Variants in MARK2 observed in about 807,000 individuals in gnomAD.
The protein encoded by MARK2 is serine/threonine-protein kinase MARK2.
MARK2 carries 16 observed loss-of-function variants against 89.8 expected under a neutral mutation model. The ratio of observed to expected loss-of-function variants is 0.18; its 90% CI spans 0.12 to 0.27. MARK2 has a LOEUF of 0.27. Among genes scored for constraint, MARK2 ranks in the 10% least tolerant of loss-of-function variants. MARK2 has a pLI of 1.00. For synonymous variants in MARK2, 382 were observed against 399.5 expected (o/e 0.96, Z 0.52); for missense variants, 621 against 1,049.9 (o/e 0.59, Z 5.65).
chr11:63,848,354 C>T (rs1021340576), intron 1 of MARK2, among the ~76,000 whole-genome samples: 3 of 152,072 alleles, frequency 2.0e-5, no homozygotes, highest in South Asian at 2.1e-4. Flanking sequence ...ATCCCATGTG[C>T]GGCTGCCTTT....
At chr11:63,844,600 G>T (rs1277230618) in intron 1 of MARK2, among the ~76,000 whole-genome samples, 2 of 152,224 alleles carry the variant, frequency 1.3e-5, no homozygotes, top group African/African-American at 4.8e-5. Flanking sequence ...TTTGCACAAG[G>T]ATAACTTAAT....
rs1429877094 is a variant in MARK2, at chr11:63,902,895, GC to G, written c.1416+114del. The stretch of plus-strand genomic sequence containing the variant: ...CCTTTGGCTACTACTTCTGCTTATA[GC>G]AGGAAGCCTCGCTCCCAGCAGTAAA... On this transcript the variant is annotated intron_variant, in intron 13 of 18. Transcript: ENST00000402010. The surrounding 1 kb of genome is among the most constrained non-coding windows in gnomAD (Gnocchi z 4.2). 4.5e-5 allele frequency: 50 copies of G among 1,103,630 alleles called. No individual in the cohort carries two copies. The highest frequency in any genetic ancestry group is 6.6e-5 in the Non-Finnish European group (49 of 743,330). 68.4% of individuals were successfully genotyped at this position (1,103,630 alleles called of 1,614,324 possible).
intron 16 of MARK2, 37 bp downstream of exon 16, chr11:63,905,080 C>T (rs2134227559): frequency 8.9e-6 from 14 of 1,564,510 alleles, no homozygotes; most frequent in Non-Finnish European, 1.2e-5. Flanking sequence ...GAGGCTCAGG[C>T]CAGGCCTTCC....
intron 1 of MARK2, among the ~76,000 whole-genome samples, chr11:63,879,205 GC>G (rs1490933241): frequency 6.6e-6 from 1 of 152,096 alleles, no homozygotes; most frequent in African/African-American, 2.4e-5. Context: ...TACTCTGGAG[GC>G]TGAGGCAGGA....
Position 63,903,271 on chromosome 11 carries a change from G to A in MARK2, c.1514+113G>A. 3 of 814,114 alleles carry A rather than the reference G, an allele frequency of 3.7e-6. No individual in the cohort carries two copies. Among genetic ancestry groups the A allele is most frequent in the Non-Finnish European group, 6.2e-6 (3 of 482,748 alleles). The allele number at this position is 814,114 out of a possible 1,614,324, so 50.4% of individuals were successfully genotyped here. The stretch of plus-strand genomic sequence containing the variant: ...GCCAGCGCATTGCTCCCTGCTCCCT[G>A]GAGTTCCATCCTGGCTGTGTCCAGT... On this transcript the variant is annotated intron_variant, in intron 14 of 18. Transcript: ENST00000402010. The surrounding 1 kb of genome is among the most constrained non-coding windows in gnomAD (Gnocchi z 5.1).
intron 1 of MARK2, among the ~76,000 whole-genome samples, chr11:63,863,787 T>G (rs1338093465): frequency 1.3e-5 from 2 of 150,970 alleles, no homozygotes; most frequent in African/African-American, 2.4e-5. Flanking sequence ...ACCACTTTTT[T>G]TTTGAAACAG....
chr11:63,855,079 G>A (rs2016773420), intron 1 of MARK2, among the ~76,000 whole-genome samples: 2 of 152,166 alleles, frequency 1.3e-5, no homozygotes, highest in African/African-American at 4.8e-5. Flanking sequence ...TGGAAAACTT[G>A]TGTCTGCTAA....
chr11:63,874,487 C>T (rs184169141), intron 1 of MARK2, among the ~76,000 whole-genome samples: 1 of 152,280 alleles, frequency 6.6e-6, no homozygotes, highest in East Asian at 1.9e-4. Flanking sequence ...CCAAAAAACC[C>T]AAAGAACATT....
intron 1 of MARK2, among the ~76,000 whole-genome samples, chr11:63,879,845 T>C (rs1938985299): frequency 6.6e-6 from 1 of 152,142 alleles, no homozygotes; most frequent in Non-Finnish European, 1.5e-5. Flanking sequence ...TTCTGACATT[T>C]CCTCCTCCTT....
Position 63,904,088 on chromosome 11 carries a change from C to T in MARK2, c.1617C>T (p.His539=), listed in dbSNP as rs779263089. The part of the protein sequence containing the change: ...QHQKSMSASV[H]PNKASGLPPT... ...AGAAATCCATGTCGGCCTCCGTGCA[C>T]CCCAACAAGGCCTCTGGGCTGCCCC... Residue 539 remains histidine, a synonymous_variant, in exon 15 of 19, where the codon CAC becomes CAT. Coordinates refer to ENST00000402010, the MANE Select transcript of MARK2 (RefSeq NM_001039469.3). This position sits in a 1 kb window ranked among gnomAD's most constrained non-coding sequence, Gnocchi z 6.3. 25 of 1,604,786 alleles carry T rather than the reference C, an allele frequency of 1.6e-5. No individual in the cohort carries two copies. The South Asian group carries it at 2.6e-4, about 17-fold the overall frequency.
rs930545191 is a variant in MARK2 at position 63,903,741 on chromosome 11, T to C, written c.1515-245T>C. 2.6e-5 allele frequency among the ~76,000 whole-genome samples: 4 copies of C among 151,988 alleles called. No individual in the cohort carries two copies. The highest frequency in any genetic ancestry group is 7.3e-5 in the African/African-American group (3 of 41,374). On this transcript the variant is annotated intron_variant, in intron 14 of 18. Transcript: ENST00000402010. This position sits in a 1 kb window ranked among gnomAD's most constrained non-coding sequence, Gnocchi z 5.1. ...CTGGAGGCAGCGGCCCCTTGTCTGC[T>C]CTCCTTCATTTCTGATTCCTCTTCC... is the stretch of plus-strand genomic sequence containing the variant.
chr11:63,846,899 AC>A (rs930814487), intron 1 of MARK2, among the ~76,000 whole-genome samples: 1 of 152,046 alleles, frequency 6.6e-6, no homozygotes, highest in Non-Finnish European at 1.5e-5. Flanking sequence ...CTCGTGATCC[AC>A]CCACCTCGGC....
At chr11:63,870,656 A>C (rs183381084) in intron 1 of MARK2, among the ~76,000 whole-genome samples, 2 of 152,318 alleles carry the variant, frequency 1.3e-5, no homozygotes, top group East Asian at 3.9e-4. Flanking sequence ...ACAGCCAACA[A>C]GAGTTGTGAA....
At chr11:63,893,593 C>G (rs1367649135) in intron 1 of MARK2, among the ~76,000 whole-genome samples, 1 of 151,932 alleles carries the variant, frequency 6.6e-6, no homozygotes, top group Non-Finnish European at 1.5e-5. Flanking sequence ...CTCATATAGT[C>G]TGTGTTTAGC....
rs75204324 is a variant in MARK2, at chr11:63,880,680, C to T, written c.55-14479C>T. On this transcript the variant is annotated intron_variant, in intron 1 of 18. Transcript: ENST00000402010. The stretch of plus-strand genomic sequence containing the variant: ...AGGAAGTGTGAAGGAGAGGGTTTTC[C>T]CTCCGATGAAAGGAAGGCTAGGGCT... Among the ~76,000 whole-genome samples the T allele has an allele frequency of 7.9e-5, 12 of 152,216 alleles. No homozygotes were observed. The East Asian group carries it at 1.9e-3, about 25-fold the overall frequency.
intron 17 of MARK2, 28 bp downstream of exon 17, chr11:63,906,142 TG>T: frequency 3.9e-6 from 5 of 1,296,020 alleles, no homozygotes; most frequent in Non-Finnish European, 4.9e-6. Flanking sequence ...TGTGTGTGTG[TG>T]TGTGTGTGTG....
At chr11:63,846,298 C>G (rs2016271394) in intron 1 of MARK2, among the ~76,000 whole-genome samples, 1 of 151,966 alleles carries the variant, frequency 6.6e-6, no homozygotes, top group Non-Finnish European at 1.5e-5. Flanking sequence ...AGGAGGATCA[C>G]TTGAGCCCAG....
chr11:63,875,117 ATTTTTTTTT>A (rs35168603), intron 1 of MARK2, among the ~76,000 whole-genome samples: 1 of 125,578 alleles, frequency 8.0e-6, no homozygotes, highest in African/African-American at 3.4e-5. Context: ...TGCCCAGCTA[ATTTTTTTTT>A]TTTTTTTTTT....
At chr11:63,860,008 T>C (rs767560554) in intron 1 of MARK2, among the ~76,000 whole-genome samples, 1 of 152,174 alleles carries the variant, frequency 6.6e-6, no homozygotes, top group Non-Finnish European at 1.5e-5. Flanking sequence ...CTGTAAGAGG[T>C]AGGTTTATTT....
Sources: allele counts gnomAD v4.1 joint callset (sites outside exome capture counted in the v4.1 genomes callset), GRCh38; gene constraint gnomAD v4.1.1; non-coding constraint Gnocchi (gnomAD v3.1); transcripts MANE v1.5; gene names NCBI Gene and HGNC (gene_info 2026-07-23, HGNC 2026-07-21).